Variants in WASHC2C observed in about 807,000 individuals in gnomAD.
WASHC2C encodes the protein Vaccinia Penetration Factor.
Under a neutral mutation model 142.2 loss-of-function variants are expected in WASHC2C, and 73 were observed. That is an observed-to-expected ratio of 0.51 (90% CI 0.43 to 0.62). WASHC2C has a LOEUF of 0.62. Ranked by LOEUF, WASHC2C falls within the 20% of genes least tolerant of loss-of-function variation. WASHC2C has a pLI of 0.00. For synonymous variants in WASHC2C, 337 were observed against 565.5 expected (o/e 0.60, Z 5.73); for missense variants, 969 against 1,531.7 (o/e 0.63, Z 6.13).
At chr10:45,773,413 AG>A in intron 21 of WASHC2C, 55 bp downstream of exon 21, 1 of 607,228 alleles carries the variant, frequency 1.6e-6, no homozygotes, top group Non-Finnish European at 3.0e-6. Context: ...CTGCATCAGT[AG>A]TGGTACTTCC....
At chr10:45,762,892 C>T (rs1229082094) in intron 17 of WASHC2C, among the ~76,000 whole-genome samples, 1 of 152,118 alleles carries the variant, frequency 6.6e-6, no homozygotes, top group East Asian at 1.9e-4. Flanking sequence ...GGCAACAGAG[C>T]GAGACTCTGC....
At chr10:45,729,047 A>T (rs1554861297) in intron 3 of WASHC2C, 21 bp downstream of exon 3, 1 of 1,597,672 alleles carries the variant, frequency 6.3e-7, no homozygotes, top group East Asian at 2.2e-5. Flanking sequence ...TAGTTATATT[A>T]TAATTCCTTT....
rs2610515 is a variant in WASHC2C, at chr10:45,765,735, G to A, written c.1794G>A (p.Gln598=). Residue 598 remains glutamine, a synonymous_variant, in exon 19 of 31, where the codon CAG becomes CAA. Coordinates refer to ENST00000623400, the MANE Select transcript of WASHC2C (RefSeq NM_001330074.2). ...AGCAGACATTGTCTCTACAAGCTCAGAGAGAAGAGAAAGCAAAAGCCTCCG... is the reference window on the plus strand; with the variant it reads ...AGCAGACATTGTCTCTACAAGCTCAAAGAGAAGAGAAAGCAAAAGCCTCCG... ...AKKQTLSLQA[Q]REEKAKASEL... The A allele has an allele frequency of 1.8e-5, 29 of 1,611,732 alleles. No homozygotes were observed. The highest frequency in any genetic ancestry group is 8.0e-5 in the African/African-American group (6 of 74,722).
chr10:45,750,545 G>A (rs879994598), intron 9 of WASHC2C, among the ~76,000 whole-genome samples: 3 of 150,000 alleles, frequency 2.0e-5, no homozygotes, highest in Non-Finnish European at 3.0e-5. Flanking sequence ...GGAAATAAAG[G>A]GCATCTCCCT....
chr10:45,734,375 G>GTC (rs2050964393), intron 3 of WASHC2C, among the ~76,000 whole-genome samples: 1 of 151,798 alleles, frequency 6.6e-6, no homozygotes, highest in Non-Finnish European at 1.5e-5. Flanking sequence ...GTGTGTGTGT[G>GTC]TGTGTGTGTG....
chr10:45,752,391 C>T (rs1333967960), intron 11 of WASHC2C, among the ~76,000 whole-genome samples, 197 bp from the exon 12 acceptor site: 32 of 151,992 alleles, frequency 2.1e-4, no homozygotes, highest in African/African-American at 7.8e-4. Flanking sequence ...AGAGTGGAGG[C>T]CCAGAGAGTC....
intron 23 of WASHC2C, among the ~76,000 whole-genome samples, chr10:45,784,176 C>T (rs1319997893): frequency 2.0e-5 from 3 of 146,834 alleles, no homozygotes; most frequent in Non-Finnish European, 3.0e-5. Context: ...AGATACTATA[C>T]GAAGTTTATA....
At chr10:45,733,879 G>A (rs1324890829) in intron 3 of WASHC2C, among the ~76,000 whole-genome samples, 2 of 152,134 alleles carry the variant, frequency 1.3e-5, no homozygotes, top group East Asian at 1.9e-4. Context: ...GCCTCTCAAC[G>A]TTTAGCACAT....
intron 9 of WASHC2C, 150 bp downstream of exon 9, chr10:45,750,356 T>G: frequency 1.2e-6 from 1 of 843,948 alleles, no homozygotes; most frequent in Non-Finnish European, 1.9e-6. Context: ...GCATCTCAAA[T>G]TGCCTCACAA....
chr10:45,731,116 GT>G (rs1219796340), intron 3 of WASHC2C, among the ~76,000 whole-genome samples: 2 of 146,026 alleles, frequency 1.4e-5, no homozygotes, highest in Non-Finnish European at 3.0e-5. Context: ...TTTTTGTGGA[GT>G]TTTTTTGGTT....
chr10:45,733,952 G>A (rs1468416325), intron 3 of WASHC2C, among the ~76,000 whole-genome samples: 8 of 152,114 alleles, frequency 5.3e-5, no homozygotes, highest in Non-Finnish European at 7.4e-5. Flanking sequence ...ACAGTAGGCC[G>A]GGTGCGGTGG....
chr10:45,754,739 T>C (rs2054029300), intron 14 of WASHC2C, among the ~76,000 whole-genome samples, 194 bp downstream of exon 14: 2 of 152,204 alleles, frequency 1.3e-5, no homozygotes, highest in Non-Finnish European at 2.9e-5. Context: ...CCTTGGACTT[T>C]TTTGTGTTTG....
At chr10:45,729,323 T>C (rs1305411500) in intron 3 of WASHC2C, among the ~76,000 whole-genome samples, 4 of 152,232 alleles carry the variant, frequency 2.6e-5, no homozygotes, top group Non-Finnish European at 5.9e-5. Context: ...ACTGCCTTTG[T>C]TGTGGCGTGA....
At chr10:45,766,282 A>G (rs1414625958) in intron 19 of WASHC2C, among the ~76,000 whole-genome samples, 3 of 152,302 alleles carry the variant, frequency 2.0e-5, no homozygotes, top group Non-Finnish European at 4.4e-5. Context: ...GCACGATTAG[A>G]TGAAAGGGGT....
At chr10:45,782,810 TAAATA>T (rs1296600716) in intron 23 of WASHC2C, among the ~76,000 whole-genome samples, 7 of 148,510 alleles carry the variant, frequency 4.7e-5, no homozygotes, top group African/African-American at 7.4e-5. Flanking sequence ...GAAAACATTC[TAAATA>T]AAATAAGCCA....
At chr10:45,758,377 C>A (rs1412361526) in intron 16 of WASHC2C, among the ~76,000 whole-genome samples, 1 of 152,142 alleles carries the variant, frequency 6.6e-6, no homozygotes, top group Admixed American at 6.5e-5. Flanking sequence ...CCTGTTCTCT[C>A]CCAGCCTTTT....
At chr10:45,771,954 T>G (rs1554884802) in intron 20 of WASHC2C, among the ~76,000 whole-genome samples, 1 of 152,202 alleles carries the variant, frequency 6.6e-6, no homozygotes, top group African/African-American at 2.4e-5. Flanking sequence ...TACATGAGTG[T>G]TTATTGCAGC....
chr10:45,784,283 T>TACACACACACACAC (rs1284999333), intron 23 of WASHC2C, among the ~76,000 whole-genome samples: 1 of 8,090 alleles, frequency 1.2e-4, no homozygotes, highest in Non-Finnish European at 3.3e-4. Flanking sequence ...TATATATATA[T>TACACACACACACAC]ATATATACAC....
chr10:45,782,413 A>G (rs2057581063), intron 23 of WASHC2C, among the ~76,000 whole-genome samples: 1 of 149,208 alleles, frequency 6.7e-6, no homozygotes, highest in South Asian at 2.1e-4. Context: ...ATACCACTTC[A>G]TACCCGGGAA....
Sources: allele counts gnomAD v4.1 joint callset (sites outside exome capture counted in the v4.1 genomes callset), GRCh38; gene constraint gnomAD v4.1.1; transcripts MANE v1.5; gene names NCBI Gene and HGNC (gene_info 2026-07-23, HGNC 2026-07-21).